TAFA1: variants seen among roughly 807,000 people sequenced by gnomAD.
TAFA1 encodes the protein chemokine-like protein TAFA-1.
TAFA1 carries 4 observed loss-of-function variants against 18.5 expected under a neutral mutation model. The ratio of observed to expected loss-of-function variants is 0.22; its 90% CI spans 0.11 to 0.49. TAFA1 has a LOEUF of 0.49. Ranked by LOEUF, TAFA1 falls within the 20% of genes least tolerant of loss-of-function variation. The probability of loss-of-function intolerance (pLI) is 0.98; values close to 1 mark genes in which losing one functional copy is unlikely to be tolerated. For missense variants in TAFA1, 147 were observed against 169.0 expected, an observed-to-expected ratio of 0.87 and a Z score of 0.72; for synonymous variants, 56 against 55.2, an observed-to-expected ratio of 1.01 and a Z score of -0.06.
intron 2 of TAFA1, among the ~76,000 whole-genome samples, chr3:68,134,653 G>T (rs2065585571): frequency 6.6e-6 from 1 of 152,102 alleles, no homozygotes; most frequent in African/African-American, 2.4e-5. Context: ...TTTGCTCAGT[G>T]CTTCTTCTAA....
chr3:68,028,972 C>T (rs924938860), intron 2 of TAFA1, among the ~76,000 whole-genome samples: 3 of 151,900 alleles, frequency 2.0e-5, no homozygotes, highest in Admixed American at 1.3e-4. Context: ...AGGCTGTTCT[C>T]GAACTCCTGA....
intron 3 of TAFA1, among the ~76,000 whole-genome samples, chr3:68,524,348 A>G (rs1005220036): frequency 2.0e-5 from 3 of 152,162 alleles, no homozygotes; most frequent in African/African-American, 7.2e-5. Flanking sequence ...AAAAAATCAT[A>G]TAACCAAACC....
At chr3:68,028,500 A>G (rs931389311) in intron 2 of TAFA1, among the ~76,000 whole-genome samples, 4 of 152,154 alleles carry the variant, frequency 2.6e-5, no homozygotes, top group African/African-American at 9.7e-5. Flanking sequence ...GCTTAAAGCA[A>G]TAGAAATTTT....
chr3:68,145,176 A>G, intron 2 of TAFA1: 1 of 826,254 alleles, frequency 1.2e-6, no homozygotes, highest in East Asian at 2.4e-5. Flanking sequence ...TATCTTTGGA[A>G]AAGAATACCA....
At chr3:68,448,319 A>C (rs574811881) in intron 3 of TAFA1, among the ~76,000 whole-genome samples, 1 of 152,358 alleles carries the variant, frequency 6.6e-6, no homozygotes, top group East Asian at 1.9e-4. Context: ...AAATATTTTT[A>C]GATGTAAATT....
chr3:68,145,641 C>G, intron 2 of TAFA1: 1 of 1,180,522 alleles, frequency 8.5e-7, no homozygotes. Flanking sequence ...TGACTTATCA[C>G]TCTGAGTTCA....
intron 2 of TAFA1, among the ~76,000 whole-genome samples, chr3:68,028,055 T>C (rs1279696497): frequency 6.6e-6 from 1 of 152,162 alleles, no homozygotes; most frequent in Non-Finnish European, 1.5e-5. Flanking sequence ...TATGATGGAC[T>C]TGGGGAGGCT....
chr3:68,502,106 G>A (rs952997787), intron 3 of TAFA1, among the ~76,000 whole-genome samples: 1 of 152,078 alleles, frequency 6.6e-6, no homozygotes, highest in African/African-American at 2.4e-5. Flanking sequence ...GCAAGTGGAG[G>A]ACGTAGTTTG....
intron 3 of TAFA1, among the ~76,000 whole-genome samples, chr3:68,530,140 G>T (rs1559707600): frequency 6.6e-6 from 1 of 152,106 alleles, no homozygotes; most frequent in Non-Finnish European, 1.5e-5. Context: ...GTAATGTTTT[G>T]ATAAACATTT....
intron 2 of TAFA1, among the ~76,000 whole-genome samples, chr3:68,415,842 A>C (rs1421730670): frequency 6.6e-6 from 1 of 152,168 alleles, no homozygotes; most frequent in Non-Finnish European, 1.5e-5. Flanking sequence ...TCAAACTAAA[A>C]GAGGCTGATA....
chr3:68,040,350 C>G (rs551223821), intron 2 of TAFA1, among the ~76,000 whole-genome samples: 133 of 152,222 alleles, frequency 8.7e-4, no homozygotes, highest in South Asian at 3.9e-3. Flanking sequence ...CTGACTGTCC[C>G]ATAAACAAAT....
At chr3:68,472,041 C>T (rs899541312) in intron 3 of TAFA1, among the ~76,000 whole-genome samples, 1 of 152,054 alleles carries the variant, frequency 6.6e-6, no homozygotes, top group Non-Finnish European at 1.5e-5. Flanking sequence ...GTTGAGAAGC[C>T]ATGATTGGTT....
At chr3:68,297,371 A>C (rs1192377875) in intron 2 of TAFA1, among the ~76,000 whole-genome samples, 1 of 152,184 alleles carries the variant, frequency 6.6e-6, no homozygotes, top group Non-Finnish European at 1.5e-5. Context: ...CTAAGTCTTC[A>C]GAATAGCCAC....
At chr3:68,429,923 G>A (rs757178155) in intron 3 of TAFA1, among the ~76,000 whole-genome samples, 2 of 151,772 alleles carry the variant, frequency 1.3e-5, no homozygotes, top group Admixed American at 6.6e-5. Context: ...TTGTTGACTT[G>A]TTATCTCCTT....
chr3:68,294,606 C>G, intron 2 of TAFA1, among the ~76,000 whole-genome samples: 1 of 152,080 alleles, frequency 6.6e-6, no homozygotes, highest in Non-Finnish European at 1.5e-5. Flanking sequence ...GCTCCTGGGC[C>G]AGGCATGGTG....
intron 2 of TAFA1, among the ~76,000 whole-genome samples, chr3:68,221,116 C>T (rs2107092084): frequency 6.6e-6 from 1 of 152,312 alleles, no homozygotes; most frequent in East Asian, 1.9e-4. Context: ...GGCCACTCCT[C>T]TGCTTCACCA....
At chr3:68,430,364 A>G (rs913029644) in intron 3 of TAFA1, among the ~76,000 whole-genome samples, 1 of 152,116 alleles carries the variant, frequency 6.6e-6, no homozygotes, top group African/African-American at 2.4e-5. Context: ...CCATAGGACA[A>G]TGAAATTGCA....
intron 2 of TAFA1, among the ~76,000 whole-genome samples, chr3:68,054,740 GC>G (rs1258518190): frequency 3.3e-5 from 5 of 152,202 alleles, no homozygotes; most frequent in Non-Finnish European, 5.9e-5. Context: ...TACAGGCAAA[GC>G]TTTGCCAACC....
At chr3:68,194,533 A>C (rs939107790) in intron 2 of TAFA1, among the ~76,000 whole-genome samples, 2 of 151,774 alleles carry the variant, frequency 1.3e-5, no homozygotes, top group Non-Finnish European at 2.9e-5. Context: ...TTGTACTAAA[A>C]AAATTTAACT....
Sources: gnomAD v4.1 joint callset for allele counts (sites outside exome capture counted in the v4.1 genomes callset) on GRCh38, gnomAD v4.1.1 for gene constraint, MANE v1.5 for transcripts, NCBI Gene and HGNC (gene_info 2026-07-23, HGNC 2026-07-21) for gene names.